Variants in RELN observed in about 807,000 individuals in gnomAD.
The protein encoded by RELN is reelin.
Under a neutral mutation model 427.6 loss-of-function variants are expected in RELN, and 108 were observed. The ratio of observed to expected loss-of-function variants is 0.25; its 90% CI spans 0.22 to 0.30. The LOEUF is 0.30. RELN is among the 10% of genes least tolerant of loss of function. RELN has a pLI of 1.00. For missense variants in RELN, 3,715 were observed against 4,302.8 expected, an observed-to-expected ratio of 0.86 and a Z score of 3.82; for synonymous variants, 1,524 against 1,513.4, an observed-to-expected ratio of 1.01 and a Z score of -0.16.
At chr7:103,872,025 TA>T (rs1794348372) in intron 2 of RELN, among the ~76,000 whole-genome samples, 2 of 96,450 alleles carry the variant, frequency 2.1e-5, no homozygotes, top group African/African-American at 7.5e-5. Context: ...TATATATATA[TA>T]TATATTTTTC....
intron 2 of RELN, among the ~76,000 whole-genome samples, chr7:103,890,573 C>T (rs1287282654): frequency 6.6e-6 from 1 of 152,154 alleles, no homozygotes; most frequent in African/African-American, 2.4e-5. Flanking sequence ...ATCCCCACCC[C>T]CTACTGTCTG....
chr7:103,491,582 C>G (rs562757792), intron 58 of RELN, among the ~76,000 whole-genome samples: 3 of 152,166 alleles, frequency 2.0e-5, no homozygotes, highest in African/African-American at 7.2e-5. Flanking sequence ...TAATTCCCAG[C>G]ACTTTGGGAG....
Position 103,489,849 on chromosome 7 carries a change from C to G in RELN, c.9656G>C (p.Ser3219Thr), listed in dbSNP as rs1343347566. 6.2e-7 allele frequency: 1 copy of G among 1,614,176 alleles called. No individual in the cohort carries two copies. Among genetic ancestry groups the G allele is most frequent in the South Asian group, 1.1e-5 (1 of 91,082 alleles). Reference sequence around the variant, plus strand: ...AATGTACACGTGGTCAATTGCCCAGCTTTGCTTCTCAGTTTCTTCTCCCTT... The same window carrying G: ...AATGTACACGTGGTCAATTGCCCAGGTTTGCTTCTCAGTTTCTTCTCCCTT... ...IQKGEETEKQ[S>T]WAIDHVYIGE... Residue 3219 changes from serine (S) to threonine (T), a missense_variant, in exon 60 of 65, where the codon AGC (serine) becomes ACC (threonine). Physicochemically the swap from Ser to Thr is moderately conservative, Grantham distance 58. Around this residue, in one of 4 missense-constraint regions of RELN, gnomAD observed 1,310 missense variants for 1,643.0 expected, o/e 0.80. Coordinates refer to ENST00000428762, the MANE Select transcript of RELN (RefSeq NM_005045.4).
intron 40 of RELN, 118 bp from the exon 41 acceptor site, chr7:103,551,414 T>G: frequency 1.3e-6 from 1 of 744,696 alleles, no homozygotes; most frequent in Non-Finnish European, 2.4e-6. Flanking sequence ...CTGAAATATT[T>G]AATACTATAA....
intron 20 of RELN, among the ~76,000 whole-genome samples, chr7:103,615,512 C>T (rs2117299944): frequency 6.6e-6 from 1 of 152,284 alleles, no homozygotes; most frequent in South Asian, 2.1e-4. Flanking sequence ...CTCACAGAAG[C>T]ACATTGTTTT....
intron 2 of RELN, among the ~76,000 whole-genome samples, chr7:103,880,215 C>T (rs1794575019): frequency 6.6e-6 from 1 of 151,716 alleles, no homozygotes; most frequent in African/African-American, 2.4e-5. Flanking sequence ...GCAAAGCATG[C>T]CTAAGTAAAA....
chr7:103,799,243 G>A (rs1425114301), intron 3 of RELN, among the ~76,000 whole-genome samples: 1 of 152,062 alleles, frequency 6.6e-6, no homozygotes, highest in African/African-American at 2.4e-5. Context: ...GAAACACACA[G>A]GAAATCACAC....
At chr7:103,859,672 G>A (rs1004956729) in intron 2 of RELN, among the ~76,000 whole-genome samples, 1 of 152,066 alleles carries the variant, frequency 6.6e-6, no homozygotes, top group Non-Finnish European at 1.5e-5. Flanking sequence ...TAACAACATG[G>A]CACACACTAT....
At chr7:103,875,419 G>A (rs1675067163) in intron 2 of RELN, among the ~76,000 whole-genome samples, 1 of 151,966 alleles carries the variant, frequency 6.6e-6, no homozygotes, top group Admixed American at 6.6e-5. Flanking sequence ...GAGTGAACAG[G>A]CAACCTACAA....
Position 103,500,935 on chromosome 7 carries a change from C to A in RELN, c.8490-13G>T. On this transcript the variant is annotated splice_polypyrimidine_tract_variant and intron_variant, in intron 52 of 64. Coordinates refer to ENST00000428762, the MANE Select transcript of RELN (RefSeq NM_005045.4). ...AAACCTTACCGGACTATTGACAATGCAAAAGCAAAGGAGTGAAAAACAAAA... is the reference window on the plus strand; with the variant it reads ...AAACCTTACCGGACTATTGACAATGAAAAAGCAAAGGAGTGAAAAACAAAA... 1 of 1,613,648 alleles carries A rather than the reference C, an allele frequency of 6.2e-7. No individual in the cohort carries two copies. The highest frequency in any genetic ancestry group is 2.2e-5 in the East Asian group (1 of 44,876).
chr7:103,730,722 G>C (rs1016288983), intron 6 of RELN, among the ~76,000 whole-genome samples: 1 of 152,134 alleles, frequency 6.6e-6, no homozygotes, highest in Non-Finnish European at 1.5e-5. Context: ...ACCAAGGACT[G>C]ATGGGACAAA....
intron 2 of RELN, among the ~76,000 whole-genome samples, chr7:103,874,456 C>G (rs1794428246): frequency 1.4e-5 from 2 of 144,538 alleles, no homozygotes; most frequent in Non-Finnish European, 3.1e-5. Flanking sequence ...ATCTAGAAAA[C>G]CCCATTGTCT....
At chr7:103,586,582 A>C (rs572087640) in intron 28 of RELN, among the ~76,000 whole-genome samples, 15 of 152,174 alleles carry the variant, frequency 9.9e-5, no homozygotes, top group Non-Finnish European at 1.8e-4. Context: ...ATTGAGAAAA[A>C]GGAAATCAAA....
At chr7:103,597,137 C>A (rs1043781681) in intron 24 of RELN, among the ~76,000 whole-genome samples, 1 of 152,132 alleles carries the variant, frequency 6.6e-6, no homozygotes, top group African/African-American at 2.4e-5. Context: ...GATAATAATA[C>A]CTTCCTCATA....
chr7:103,751,031 A>C (rs1188035390), intron 5 of RELN, among the ~76,000 whole-genome samples: 1 of 152,164 alleles, frequency 6.6e-6, no homozygotes, highest in East Asian at 1.9e-4. Context: ...CTTATTTTAA[A>C]GGTTGTGTGA....
chr7:103,804,974 G>A (rs373901363), intron 3 of RELN, among the ~76,000 whole-genome samples: 1 of 151,602 alleles, frequency 6.6e-6, no homozygotes, highest in Non-Finnish European at 1.5e-5. Context: ...AGGGACTTGC[G>A]TTTCATGAAA....
At chr7:103,574,403 T>C in intron 29 of RELN, 104 bp from the exon 30 acceptor site, 6 of 946,434 alleles carry the variant, frequency 6.3e-6, no homozygotes, top group Non-Finnish European at 1.0e-5. Context: ...GGATTAACAT[T>C]AGGGAGAGAG....
At chr7:103,822,603 T>C (rs1793041446) in intron 3 of RELN, among the ~76,000 whole-genome samples, 1 of 152,066 alleles carries the variant, frequency 6.6e-6, no homozygotes, top group African/African-American at 2.4e-5. Flanking sequence ...CATTCATCTA[T>C]TCAACAACCA....
chr7:103,910,732 G>T (rs1381266405), intron 2 of RELN, among the ~76,000 whole-genome samples: 1 of 129,444 alleles, frequency 7.7e-6, no homozygotes, highest in Non-Finnish European at 1.6e-5. Context: ...TGACAAACCT[G>T]ACAAAAACAA....
Sources: gnomAD v4.1 joint callset for allele counts (sites outside exome capture counted in the v4.1 genomes callset) on GRCh38, gnomAD v4.1.1 for gene constraint, gnomAD v4.1.1 regional missense constraint, MANE v1.5 for transcripts, NCBI Gene and HGNC (gene_info 2026-07-23, HGNC 2026-07-21) for gene names.